Variants in ADCY3 observed in about 807,000 individuals in gnomAD.
The protein encoded by ADCY3 is adenylate cyclase type 3.
Under a neutral mutation model 119.4 loss-of-function variants are expected in ADCY3, and 70 were observed. That is an observed-to-expected ratio of 0.59 (90% CI 0.48 to 0.72). The LOEUF (loss-of-function observed/expected upper bound fraction) is 0.72, where lower values mean the gene tolerates loss of function less well. Ranked by LOEUF, ADCY3 falls within the 30% of genes least tolerant of loss-of-function variation. ADCY3 has a pLI of 0.00. For missense variants in ADCY3, 1,238 were observed against 1,541.6 expected (o/e 0.80, Z 3.30); for synonymous variants, 672 against 621.4 (o/e 1.08, Z -1.21).
intron 2 of ADCY3, among the ~76,000 whole-genome samples, chr2:24,873,547 C>T (rs1675285280): frequency 6.6e-6 from 1 of 152,244 alleles, no homozygotes; most frequent in Non-Finnish European, 1.5e-5. Flanking sequence ...GTAGGGACTG[C>T]AGATCTGATG....
chr2:24,863,598 G>C (rs1673940817), intron 3 of ADCY3, among the ~76,000 whole-genome samples: 1 of 152,216 alleles, frequency 6.6e-6, no homozygotes. Context: ...TGTTGGCCAG[G>C]TTGGTCTTGA....
rs191260163 is a variant in ADCY3 at position 24,859,757 on chromosome 2, G to A, written c.825+12813C>T. ...ACCATCCCTAGTAACAGGTGACCCT[G>A]CACGTGGGTTAAAGCAGAAGGAGAG... On this transcript the variant is annotated intron_variant, in intron 3 of 21. Transcript: ENST00000679454. Among the ~76,000 whole-genome samples the A allele has an allele frequency of 1.4e-3, 210 of 152,288 alleles. 3 individuals are homozygous for A. The Middle Eastern group carries it at 0.051, about 37-fold the overall frequency.
Position 24,830,044 on chromosome 2 carries a change from C to CTTT in ADCY3, c.2172+662_2172+664dup, listed in dbSNP as rs66894795. On this transcript the variant is annotated intron_variant, in intron 13 of 21. Coordinates refer to ENST00000679454, the MANE Select transcript of ADCY3 (RefSeq NM_004036.5). ...GTGTGACCTAGAGCAAGTGAATTAC[C>CTTT]TTTTTTTTTTTTTTTTGAGACGGAG... Among the ~76,000 whole-genome samples, 334 of 132,738 alleles carry CTTT rather than the reference C, an allele frequency of 2.5e-3. 8 individuals carry two copies. The highest frequency in any genetic ancestry group is 5.2e-3 in the African/African-American group (182 of 35,150). The allele number at this position is 132,738 out of a possible 152,430, so 87.1% of individuals were successfully genotyped here. A position where few individuals can be genotyped will look rare whatever the true frequency, so the allele number is the denominator to read the frequency against.
chr2:24,887,135 G>A (rs61014152), intron 2 of ADCY3, among the ~76,000 whole-genome samples: 4 of 152,304 alleles, frequency 2.6e-5, no homozygotes, highest in African/African-American at 9.6e-5. Flanking sequence ...TTACAATCAT[G>A]GCGAAAGGGT....
At chr2:24,869,903 G>T (rs915445618) in intron 3 of ADCY3, among the ~76,000 whole-genome samples, 2 of 152,174 alleles carry the variant, frequency 1.3e-5, no homozygotes, top group Non-Finnish European at 2.9e-5. Context: ...GACAGAAGAC[G>T]TAAGGAGAAT....
intron 3 of ADCY3, among the ~76,000 whole-genome samples, chr2:24,864,596 C>T (rs545274171): frequency 6.6e-6 from 1 of 152,290 alleles, no homozygotes; most frequent in Non-Finnish European, 1.5e-5. Flanking sequence ...AGACATCATG[C>T]TAAGTGAAAT....
chr2:24,859,470 C>T, intron 3 of ADCY3, among the ~76,000 whole-genome samples: 1 of 152,220 alleles, frequency 6.6e-6, no homozygotes, highest in East Asian at 1.9e-4. Context: ...CTCTGACTCC[C>T]CTCTCCCCTA....
intron 2 of ADCY3, among the ~76,000 whole-genome samples, chr2:24,884,552 T>G (rs1446385853): frequency 7.2e-6 from 1 of 139,124 alleles, no homozygotes; most frequent in Non-Finnish European, 1.5e-5. Context: ...CTCAGCTCAC[T>G]GCAACCTCCG....
chr2:24,820,572 T>C (rs1460190091), intron 21 of ADCY3, 152 bp downstream of exon 21: 2 of 1,445,328 alleles, frequency 1.4e-6, no homozygotes, highest in Non-Finnish European at 1.8e-6. Flanking sequence ...AGGCTAGCTA[T>C]TGCAGAGATT....
At chr2:24,910,913 G>A (rs915907334) in intron 2 of ADCY3, among the ~76,000 whole-genome samples, 5 of 152,046 alleles carry the variant, frequency 3.3e-5, no homozygotes, top group African/African-American at 7.2e-5. Flanking sequence ...CCAAAGTGCC[G>A]GGATTACAGG....
At chr2:24,821,336 GT>G in intron 20 of ADCY3, 180 bp downstream of exon 20, 1 of 857,722 alleles carries the variant, frequency 1.2e-6, no homozygotes, top group Admixed American at 2.7e-5. Flanking sequence ...TGGGTTTTTG[GT>G]TTAGTCATCT....
In ADCY3 at chr2:24,819,654, G is replaced by C; in HGVS notation, c.*278C>G. 1 of 339,476 alleles carries C rather than the reference G, an allele frequency of 2.9e-6. No homozygotes were observed. Among genetic ancestry groups the C allele is most frequent in the Non-Finnish European group, 5.4e-6 (1 of 186,184 alleles). The allele number at this position is 339,476 out of a possible 1,614,324, so 21.0% of individuals were successfully genotyped here. ...CACCCTCCTGCTCACAGTGGTCAGGGCCCCTCAGGGGCAAGGACGGCAGGG... is the reference window on the plus strand; with the variant it reads ...CACCCTCCTGCTCACAGTGGTCAGGCCCCCTCAGGGGCAAGGACGGCAGGG... On this transcript the variant is annotated 3_prime_UTR_variant, in exon 22 of 22. Transcript: ENST00000679454.
Position 24,881,128 on chromosome 2 carries a change from C to T in ADCY3, c.676-8409G>A, listed in dbSNP as rs141675446. ...GCACATTCTGAAATGCCCATGAGGG[C>T]TGGCTTTTTGTTTTGTGCTTCTCCC... On this transcript the variant is annotated intron_variant, in intron 2 of 21. Transcript: ENST00000679454. 2.2e-3 allele frequency among the ~76,000 whole-genome samples: 336 copies of T among 152,308 alleles called. 2 individuals carry two copies. Among genetic ancestry groups the T allele is most frequent in the African/African-American group, 7.6e-3 (316 of 41,554 alleles).
intron 2 of ADCY3, among the ~76,000 whole-genome samples, chr2:24,883,521 T>C (rs917923938): frequency 6.6e-6 from 1 of 152,184 alleles, no homozygotes; most frequent in African/African-American, 2.4e-5. Context: ...TATTTAAGCA[T>C]ATAGATTCTG....
Position 24,821,054 on chromosome 2 carries a change from C to CG in ADCY3, c.3128-207_3128-206insC, listed in dbSNP as rs372861677. 360 of 654,346 alleles carry CG rather than the reference C, an allele frequency of 5.5e-4. 1 individual carries two copies. In the African/African-American group the frequency reaches 5.9e-3, roughly 11 times the overall value. 40.5% of individuals were successfully genotyped at this position (654,346 alleles called of 1,614,324 possible). On this transcript the variant is annotated intron_variant, in intron 20 of 21. Coordinates refer to ENST00000679454, the MANE Select transcript of ADCY3 (RefSeq NM_004036.5). ...TGTTAGGTGTCAGCCGCCACCCCCC[C>CG]CCCATATGCAGATTTACTCGGCATG...
At position 24,878,988 on chromosome 2, in the gene ADCY3, C is replaced by T. The variant is rs1676048817; in HGVS notation, c.676-6269G>A. ...ACGGGTTGTTTCCCTGCTGGCTCCC[C>T]AGCACCCGGGACTGGCACATAGAAA... On this transcript the variant is annotated intron_variant, in intron 2 of 21. Transcript: ENST00000679454. The surrounding 1 kb of genome is among the most constrained non-coding windows in gnomAD (Gnocchi z 4.0). Among the ~76,000 whole-genome samples the T allele has an allele frequency of 6.6e-6, 1 of 152,206 alleles. No homozygotes were observed.
intron 16 of ADCY3, chr2:24,825,536 A>G (rs1317899248): frequency 6.4e-6 from 1 of 155,458 alleles, no homozygotes; most frequent in Non-Finnish European, 1.4e-5. Context: ...GGGTTTCACC[A>G]TATTGCCCAG....
intron 2 of ADCY3, among the ~76,000 whole-genome samples, chr2:24,917,879 C>T (rs957691998): frequency 6.6e-5 from 10 of 152,202 alleles, no homozygotes; most frequent in Admixed American, 5.2e-4. Context: ...GCAGAGCGGA[C>T]GTTATCCCCA....
At chr2:24,896,531 C>A (rs1167367026) in intron 2 of ADCY3, among the ~76,000 whole-genome samples, 1 of 151,652 alleles carries the variant, frequency 6.6e-6, no homozygotes, top group Non-Finnish European at 1.5e-5. Flanking sequence ...TGCTGGATGT[C>A]TCACACTGCA....
Sources: gnomAD v4.1 joint callset for allele counts (sites outside exome capture counted in the v4.1 genomes callset) on GRCh38, gnomAD v4.1.1 for gene constraint, Gnocchi (gnomAD v3.1) non-coding constraint, MANE v1.5 for transcripts, NCBI Gene and HGNC (gene_info 2026-07-23, HGNC 2026-07-21) for gene names.